Variants in SMARCAL1 observed in about 807,000 individuals in gnomAD.
The protein encoded by SMARCAL1 is SNF2 related chromatin remodeling annealing helicase 1.
Under a neutral mutation model 94.5 loss-of-function variants are expected in SMARCAL1, and 58 were observed. The ratio of observed to expected loss-of-function variants is 0.61; its 90% confidence interval spans 0.50 to 0.76. SMARCAL1 has a LOEUF of 0.76. Ranked by LOEUF, SMARCAL1 falls within the 30% of genes least tolerant of loss-of-function variation. The pLI, the probability that SMARCAL1 is intolerant of heterozygous loss-of-function variation, is 0.00. For synonymous variants in SMARCAL1, 422 were observed against 455.1 expected (o/e 0.93, Z 0.93); for missense variants, 1,051 against 1,177.9 (o/e 0.89, Z 1.58).
In SMARCAL1 at chr2:216,464,677, C is replaced by T. The variant is rs1574477107; in HGVS notation, c.2141+10C>T. 1 of 1,538,974 alleles carries T rather than the reference C, an allele frequency of 6.5e-7. No individual in the cohort carries two copies. Among genetic ancestry groups the T allele is most frequent in the Non-Finnish European group, 9.0e-7 (1 of 1,116,526 alleles). On this transcript the variant is annotated intron_variant, in intron 13 of 17. Coordinates refer to ENST00000357276, the MANE Select transcript of SMARCAL1 (RefSeq NM_014140.4). The stretch of plus-strand genomic sequence containing the variant: ...AAATCCCATCTGTCATGTAAGTGGT[C>T]ACTAAGTGTCGACCTCTCTCTCTCT...
In SMARCAL1 at chr2:216,468,513, G is replaced by A. The variant is rs373817645; in HGVS notation, c.2244+467G>A. Among the ~76,000 whole-genome samples the A allele has an allele frequency of 2.2e-4, 33 of 152,228 alleles. No individual in the cohort carries two copies. In the East Asian group the frequency reaches 3.5e-3, roughly 16 times the overall value. On this transcript the variant is annotated intron_variant, in intron 14 of 17. Transcript: ENST00000357276. ...TGGCTCTCCTGAAATTGAACGAAAG[G>A]GATCTAGAAGGATTTCCAAGGATGT...
At chr2:216,460,730 A>C (rs904199047) in intron 12 of SMARCAL1, among the ~76,000 whole-genome samples, 8 of 151,436 alleles carry the variant, frequency 5.3e-5, no homozygotes, top group African/African-American at 1.9e-4. Context: ...AGATATACCT[A>C]ATGTAAATGA....
At chr2:216,471,356 ATTTT>A (rs200528251) in intron 14 of SMARCAL1, among the ~76,000 whole-genome samples, 1 of 143,228 alleles carries the variant, frequency 7.0e-6, no homozygotes, top group Admixed American at 7.0e-5. Context: ...CAGTGATTAA[ATTTT>A]TTTTTTTTTT....
chr2:216,412,615 G>A lies in SMARCAL1; in HGVS notation c.-129G>A, dbSNP rs1693485952. 1 of 152,572 alleles carries A rather than the reference G, an allele frequency of 6.6e-6. No homozygotes were observed. Among genetic ancestry groups the A allele is most frequent in the African/African-American group, 2.4e-5 (1 of 41,466 alleles). The allele number at this position is 152,572 out of a possible 1,614,324, so 9.5% of individuals were successfully genotyped here. Reference sequence around the variant, plus strand: ...CAGTCGCGCCTGGGGTCAGGGCCGGGGGCGAATGTGGCTCGCGTTCTAGGC... The same window carrying A: ...CAGTCGCGCCTGGGGTCAGGGCCGGAGGCGAATGTGGCTCGCGTTCTAGGC... On this transcript the variant is annotated 5_prime_UTR_variant, in exon 1 of 18. Coordinates refer to ENST00000357276, the MANE Select transcript of SMARCAL1 (RefSeq NM_014140.4).
chr2:216,480,109 C>T (rs868038811), intron 17 of SMARCAL1, among the ~76,000 whole-genome samples: 1 of 152,258 alleles, frequency 6.6e-6, no homozygotes, highest in Middle Eastern at 3.4e-3. Flanking sequence ...CTCATTTATT[C>T]CTCCTTGCCT....
In SMARCAL1 at chr2:216,475,234, G is replaced by A. The variant is rs773273475; in HGVS notation, c.2245-35G>A. 2.5e-6 allele frequency: 4 copies of A among 1,612,478 alleles called. No individual in the cohort carries two copies. The highest frequency in any genetic ancestry group is 1.3e-5 in the African/African-American group (1 of 74,920). ...GGTTTGCTGAGAAGCCCCCGGGGCT[G>A]TTGCCCACCTTGCTTCTGCCCCTTG... On this transcript the variant is annotated intron_variant, in intron 14 of 17. Coordinates refer to ENST00000357276, the MANE Select transcript of SMARCAL1 (RefSeq NM_014140.4). This position sits in a 1 kb window ranked among gnomAD's most constrained non-coding sequence, Gnocchi z 4.4.
rs534910346 is a variant in SMARCAL1, at chr2:216,463,394, A to C, written c.2071-1203A>C. On this transcript the variant is annotated intron_variant, in intron 12 of 17. Transcript: ENST00000357276. ...CAGATTCAGTGTCTAGTGAGGGCCC[A>C]GTTTCTGTTTCAAAGAGGGCGGAAG... Among the ~76,000 whole-genome samples, 3 of 152,310 alleles carry C rather than the reference A, an allele frequency of 2.0e-5. No individual in the cohort carries two copies. The South Asian group carries it at 6.2e-4, about 32-fold the overall frequency.
rs573437251 is a variant in SMARCAL1, at chr2:216,429,761, G to A, written c.1334+979G>A. Among the ~76,000 whole-genome samples, 47 of 151,816 alleles carry A rather than the reference G, an allele frequency of 3.1e-4. 1 individual carries two copies. In the South Asian group the frequency reaches 4.0e-3, roughly 13 times the overall value. On this transcript the variant is annotated intron_variant, in intron 7 of 17. Coordinates refer to ENST00000357276, the MANE Select transcript of SMARCAL1 (RefSeq NM_014140.4). Reference sequence around the variant, plus strand: ...GGCAGGATTTGGGTCTCGGTGTGCCGTTTGGGCACAGTGCACTTTATTATG... The same window carrying A: ...GGCAGGATTTGGGTCTCGGTGTGCCATTTGGGCACAGTGCACTTTATTATG...
rs1260391110 is a variant in SMARCAL1 at position 216,423,786 on chromosome 2, G to A, written c.1147+103G>A. 8.7e-6 allele frequency: 9 copies of A among 1,033,100 alleles called. No homozygotes were observed. In the African/African-American group the frequency reaches 1.3e-4, roughly 14 times the overall value. 64.0% of individuals were successfully genotyped at this position (1,033,100 alleles called of 1,614,324 possible). A position where few individuals can be genotyped will look rare whatever the true frequency, so the allele number is the denominator to read the frequency against. On this transcript the variant is annotated intron_variant, in intron 6 of 17. Transcript: ENST00000357276. Reference sequence around the variant, plus strand: ...TGAAGAATCTTCTCCTCCCTTTGCTGTGGTGGGATGCTTGAGTACAGGGTA... The same window carrying A: ...TGAAGAATCTTCTCCTCCCTTTGCTATGGTGGGATGCTTGAGTACAGGGTA...
At chr2:216,422,180 G>A (rs769323548) in intron 5 of SMARCAL1, among the ~76,000 whole-genome samples, 39 of 152,062 alleles carry the variant, frequency 2.6e-4, no homozygotes, top group Non-Finnish European at 2.2e-4. Context: ...ACAGGAGTTC[G>A]AGACCAGCCT....
intron 10 of SMARCAL1, among the ~76,000 whole-genome samples, chr2:216,440,217 T>A (rs1694168480): frequency 6.6e-6 from 1 of 152,246 alleles, no homozygotes; most frequent in South Asian, 2.1e-4. Context: ...TTAGGTATTT[T>A]GGTTTCAGTA....
In SMARCAL1 at chr2:216,428,567, A is replaced by C. The variant is rs201432968; in HGVS notation, c.1148-29A>C. On this transcript the variant is annotated intron_variant, in intron 6 of 17. Transcript: ENST00000357276. ...CAAATCTTTTGGGCATGAACACTCC[A>C]GCTCATATGCTTCTGTTCTTCTTTT... 68 of 1,610,048 alleles carry C rather than the reference A, an allele frequency of 4.2e-5. No individual in the cohort carries two copies. In the African/African-American group the frequency reaches 8.3e-4, roughly 20 times the overall value.
chr2:216,433,060 C>T (rs997660869), intron 8 of SMARCAL1, among the ~76,000 whole-genome samples, 192 bp downstream of exon 8: 2 of 152,066 alleles, frequency 1.3e-5, no homozygotes, highest in African/African-American at 4.8e-5. Flanking sequence ...CAGGTTACAC[C>T]TTGAGGGAAG....
intron 5 of SMARCAL1, among the ~76,000 whole-genome samples, chr2:216,421,959 G>C (rs527821448): frequency 2.6e-5 from 4 of 152,200 alleles, no homozygotes; most frequent in Non-Finnish European, 5.9e-5. Context: ...GATGAGGGCA[G>C]ACGGGTGAGC....
At chr2:216,451,401 A>G (rs1329444336) in intron 12 of SMARCAL1, 2 of 351,118 alleles carry the variant, frequency 5.7e-6, no homozygotes, top group Non-Finnish European at 1.1e-5. Context: ...GCATCAGTCT[A>G]GTAACAGTTG....
chr2:216,434,612 G>A (rs13389512), intron 8 of SMARCAL1, among the ~76,000 whole-genome samples: 36,405 of 151,634 alleles, frequency 0.24, 5,401 homozygotes, highest in Non-Finnish European at 0.32. Context: ...GTGGCAGGAG[G>A]ATTGCTTGAG....
At chr2:216,458,165 CA>C (rs1453525197) in intron 12 of SMARCAL1, among the ~76,000 whole-genome samples, 2 of 152,176 alleles carry the variant, frequency 1.3e-5, no homozygotes, top group Non-Finnish European at 2.9e-5. Flanking sequence ...AGACCAATAA[CA>C]GGCTCTGAAA....
intron 14 of SMARCAL1, among the ~76,000 whole-genome samples, chr2:216,470,825 C>A (rs1243872115): frequency 2.7e-5 from 3 of 110,146 alleles, no homozygotes; most frequent in Admixed American, 1.1e-4. Flanking sequence ...TACTGTTACT[C>A]CCAAGAACAT....
At chr2:216,465,499 T>C (rs987596513) in intron 13 of SMARCAL1, among the ~76,000 whole-genome samples, 1 of 152,258 alleles carries the variant, frequency 6.6e-6, no homozygotes, top group African/African-American at 2.4e-5. Context: ...TCAAAAGATA[T>C]GGGCATATGG....
Sources: gnomAD v4.1 joint callset for allele counts (sites outside exome capture counted in the v4.1 genomes callset) on GRCh38, gnomAD v4.1.1 for gene constraint, Gnocchi (gnomAD v3.1) non-coding constraint, MANE v1.5 for transcripts, NCBI Gene and HGNC (gene_info 2026-07-23, HGNC 2026-07-21) for gene names.